The following FLI1 variants were observed in gnomAD, a reference collection of about 807,000 sequenced individuals.
The protein encoded by FLI1 is Friend leukemia integration 1 transcription factor.
Under a neutral mutation model 53.1 loss-of-function variants are expected in FLI1, and 13 were observed. The ratio of observed to expected loss-of-function variants is 0.24; its 90% CI spans 0.16 to 0.39. The LOEUF is 0.39. FLI1 is among the 10% of genes least tolerant of loss of function. The pLI is 1.00. For missense variants in FLI1, 424 were observed against 600.5 expected (o/e 0.71, Z 3.07); for synonymous variants, 244 against 236.7 (o/e 1.03, Z -0.28).
intron 2 of FLI1, 22 bp from the exon 3 acceptor site, chr11:128,768,096 G>A (rs748717986): frequency 1.1e-5 from 17 of 1,595,720 alleles, no homozygotes; most frequent in Non-Finnish European, 1.5e-5. Flanking sequence ...CCGCCTCTGG[G>A]CTTTGTCTCT....
At chr11:128,701,466 A>G (rs1041749055) in intron 1 of FLI1, among the ~76,000 whole-genome samples, 2 of 152,212 alleles carry the variant, frequency 1.3e-5, no homozygotes, top group Admixed American at 1.3e-4. Context: ...CCAAAAACGC[A>G]GAGACTCATC....
At chr11:128,787,883 T>C (rs1380797986) in intron 5 of FLI1, among the ~76,000 whole-genome samples, 2 of 149,326 alleles carry the variant, frequency 1.3e-5, no homozygotes, top group Non-Finnish European at 3.0e-5. Flanking sequence ...CTCGGCTCAC[T>C]GCAAGCTCCA....
In FLI1 at chr11:128,782,649, GT is replaced by G. The variant is rs1941953120; in HGVS notation, c.655+628del. On this transcript the variant is annotated intron_variant, in intron 5 of 8. Coordinates refer to ENST00000527786, the MANE Select transcript of FLI1 (RefSeq NM_002017.5). Reference sequence around the variant, plus strand: ...GGAGGCAGAGGCTGCAATGAGCCGAGTTCGCGCCACTGCACTCCAGCCTGGG... The same window carrying G: ...GGAGGCAGAGGCTGCAATGAGCCGAGTCGCGCCACTGCACTCCAGCCTGGG... Among the ~76,000 whole-genome samples the G allele has an allele frequency of 3.3e-5, 5 of 152,300 alleles. No individual in the cohort carries two copies. In the South Asian group the frequency reaches 1.0e-3, roughly 32 times the overall value.
intron 5 of FLI1, 68 bp downstream of exon 5, chr11:128,782,091 A>T: frequency 7.5e-7 from 1 of 1,326,038 alleles, no homozygotes; most frequent in Non-Finnish European, 1.1e-6. Flanking sequence ...CCATGCTGTT[A>T]AGGTTGTTGC....
intron 1 of FLI1, among the ~76,000 whole-genome samples, chr11:128,702,163 T>C (rs1275342462): frequency 2.6e-5 from 4 of 152,240 alleles, no homozygotes; most frequent in Non-Finnish European, 5.9e-5. Flanking sequence ...TACTCATTCA[T>C]GTATTCAATA....
intron 1 of FLI1, among the ~76,000 whole-genome samples, chr11:128,717,467 G>A (rs1939063508): frequency 6.6e-6 from 1 of 152,184 alleles, no homozygotes; most frequent in South Asian, 2.1e-4. Flanking sequence ...CTGGAGCCCA[G>A]GGATGCTGTT....
intron 7 of FLI1, 124 bp downstream of exon 7, chr11:128,807,363 G>T (rs1942810779): frequency 5.2e-6 from 3 of 579,284 alleles, no homozygotes; most frequent in Non-Finnish European, 8.6e-6. Context: ...CTCAAAGAGG[G>T]TCTATCTTTG....
intron 1 of FLI1, among the ~76,000 whole-genome samples, chr11:128,747,990 C>A (rs576061944): frequency 2.6e-5 from 4 of 152,050 alleles, no homozygotes; most frequent in African/African-American, 4.8e-5. Flanking sequence ...TGGTTATGGT[C>A]AAAAAAGTGA....
At chr11:128,686,716 C>G (rs1215015464) in intron 1 of FLI1, 1 of 334,788 alleles carries the variant, frequency 3.0e-6, no homozygotes, top group African/African-American at 2.2e-5. Context: ...GACATGGCAG[C>G]GTCTTTAAAC....
At chr11:128,739,645 G>A (rs1399411694) in intron 1 of FLI1, among the ~76,000 whole-genome samples, 1 of 152,026 alleles carries the variant, frequency 6.6e-6, no homozygotes, top group African/African-American at 2.4e-5. Flanking sequence ...TTATTAGGCT[G>A]TTGAATTTGA....
chr11:128,779,086 T>C (rs548043716), intron 4 of FLI1, among the ~76,000 whole-genome samples: 1 of 152,358 alleles, frequency 6.6e-6, no homozygotes, highest in East Asian at 1.9e-4. Flanking sequence ...TCATGCAAGC[T>C]TTGGAGAGGT....
At chr11:128,721,167 G>C (rs892852240) in intron 1 of FLI1, among the ~76,000 whole-genome samples, 1 of 152,226 alleles carries the variant, frequency 6.6e-6, no homozygotes, top group African/African-American at 2.4e-5. Flanking sequence ...GCTCACCCCT[G>C]TAGGATGCAC....
At chr11:128,696,200 A>G (rs1486580679) in intron 1 of FLI1, among the ~76,000 whole-genome samples, 1 of 152,192 alleles carries the variant, frequency 6.6e-6, no homozygotes, top group Non-Finnish European at 1.5e-5. Context: ...GGTAGGAGCC[A>G]TGAGCTCCTC....
chr11:128,717,102 C>T (rs916054378), intron 1 of FLI1, among the ~76,000 whole-genome samples: 3 of 151,986 alleles, frequency 2.0e-5, no homozygotes, highest in African/African-American at 7.2e-5. Context: ...GCTTCCGGGG[C>T]ACACGCTGCT....
At chr11:128,725,975 G>T (rs1180470708) in intron 1 of FLI1, among the ~76,000 whole-genome samples, 1 of 152,214 alleles carries the variant, frequency 6.6e-6, no homozygotes, top group African/African-American at 2.4e-5. Flanking sequence ...GGACTGAGGA[G>T]TCCAGATCCT....
chr11:128,723,247 A>G (rs1181621325), intron 1 of FLI1, among the ~76,000 whole-genome samples: 1 of 152,162 alleles, frequency 6.6e-6, no homozygotes, highest in Non-Finnish European at 1.5e-5. Context: ...CCATGGCACA[A>G]TTAAAGAGAA....
chr11:128,689,639 A>G (rs1937659191), upstream of FLI1, among the ~76,000 whole-genome samples: 1 of 152,122 alleles, frequency 6.6e-6, no homozygotes, highest in South Asian at 2.1e-4. Context: ...GGCGGCTGGG[A>G]GGAGGGGGTG....
chr11:128,805,521 A>C, intron 6 of FLI1, 90 bp downstream of exon 6: 1 of 805,624 alleles, frequency 1.2e-6, no homozygotes, highest in Admixed American at 2.7e-5. Context: ...GAGAGCAGCA[A>C]GCATTTGTTT....
At chr11:128,777,647 C>A (rs1941777749) in intron 4 of FLI1, among the ~76,000 whole-genome samples, 1 of 152,182 alleles carries the variant, frequency 6.6e-6, no homozygotes, top group Non-Finnish European at 1.5e-5. Context: ...AGTAGTCAGC[C>A]AGGATTGTTG....
Sources: allele counts gnomAD v4.1 joint callset (sites outside exome capture counted in the v4.1 genomes callset), GRCh38; gene constraint gnomAD v4.1.1; transcripts MANE v1.5; gene names NCBI Gene and HGNC (gene_info 2026-07-23, HGNC 2026-07-21).